MED24: variants seen among roughly 807,000 people sequenced by gnomAD.
The protein encoded by MED24 is mediator complex subunit 24.
In MED24, 74 loss-of-function variants were observed where a neutral mutation model predicts 118.8. That is an observed-to-expected ratio of 0.62 (90% CI 0.52 to 0.76). The LOEUF is 0.76. Ranked by LOEUF, MED24 falls within the 30% of genes least tolerant of loss-of-function variation. The pLI is 0.00. For missense variants in MED24, 1,041 were observed against 1,278.9 expected (o/e 0.81, Z 2.84); for synonymous variants, 521 against 523.9 (o/e 0.99, Z 0.08).
intron 11 of MED24, 128 bp from the exon 12 acceptor site, chr17:40,031,373 G>T: frequency 8.2e-7 from 1 of 1,218,096 alleles, no homozygotes; most frequent in Non-Finnish European, 1.2e-6. Context: ...CTGAGGGACG[G>T]TAGAGGGGCT....
rs772689262 is a variant in MED24, at chr17:40,035,705, C to T, written c.326+17G>A. The T allele has an allele frequency of 1.2e-6, 2 of 1,611,794 alleles. No individual in the cohort carries two copies. Among genetic ancestry groups the T allele is most frequent in the East Asian group, 2.2e-5 (1 of 44,876 alleles). ...GCTGGAACATTGTATTGTGAGCCCC[C>T]TTACCCCTGCCCTTACCTCAGACGG... On this transcript the variant is annotated intron_variant, in intron 5 of 25. Transcript: ENST00000394128.
In MED24 at chr17:40,022,002, C is replaced by T. The variant is rs150685127; in HGVS notation, c.2576G>A (p.Arg859Gln). 2.5e-6 allele frequency: 4 copies of T among 1,611,894 alleles called. No homozygotes were observed. The highest frequency in any genetic ancestry group is 2.2e-5 in the East Asian group (1 of 44,734). The change falls in exon 23 of 26, where the codon CGA becomes CAA. Residue 859 changes from arginine to glutamine, a missense_variant. Around this residue, in one of 3 missense-constraint regions of MED24, gnomAD observed 587 missense variants for 694.4 expected, o/e 0.85. Transcript: ENST00000394128. Reference sequence around the variant, plus strand: ...ATCGTCCTCATTAGAGCTCAGCAGTCGCATCAACTTCGAAGGCTGCACATC... The same window carrying T: ...ATCGTCCTCATTAGAGCTCAGCAGTTGCATCAACTTCGAAGGCTGCACATC... ...LDDVQPSKLM[R>Q]LLSSNEDDAN...
rs1450845772 is a variant in MED24, at chr17:40,033,791, C to G, written c.560-335G>C. 2.0e-6 allele frequency: 1 copy of G among 501,524 alleles called. No homozygotes were observed. The highest frequency in any genetic ancestry group is 1.5e-5 in the South Asian group (1 of 64,942). The allele number at this position is 501,524 out of a possible 1,614,324, so 31.1% of individuals were successfully genotyped here. On this transcript the variant is annotated intron_variant, in intron 6 of 25. Transcript: ENST00000394128. The surrounding 1 kb of genome is among the most constrained non-coding windows in gnomAD (Gnocchi z 5.2). ...CAGTGGCTGGAACAGGGAGGGCGGC[C>G]ACAAATCACTCGAGGAGTGAGCGGA...
In MED24 at chr17:40,028,975, A is replaced by T; in HGVS notation, c.1267-7T>A. 3 of 1,614,146 alleles carry T rather than the reference A, an allele frequency of 1.9e-6. No homozygotes were observed. Among genetic ancestry groups the T allele is most frequent in the Non-Finnish European group, 2.5e-6 (3 of 1,180,016 alleles). On this transcript the variant is annotated splice_polypyrimidine_tract_variant and splice_region_variant and intron_variant, in intron 13 of 25. Coordinates refer to ENST00000394128, the MANE Select transcript of MED24 (RefSeq NM_014815.4). ...AGTGGTCTGCATCCATCGTCTGGGGACAGGACAGGAAATCAAGTCCTGAAG... is the reference window on the plus strand; with the variant it reads ...AGTGGTCTGCATCCATCGTCTGGGGTCAGGACAGGAAATCAAGTCCTGAAG...
At chr17:40,043,871 G>C (rs1392549676) in intron 3 of MED24, among the ~76,000 whole-genome samples, 1 of 107,552 alleles carries the variant, frequency 9.3e-6, no homozygotes, top group African/African-American at 3.5e-5. Context: ...GGCCTGGGCA[G>C]AAGAGCGAGA....
At position 40,053,300 on chromosome 17, in the gene MED24, G is replaced by C. The variant is rs1413085754; in HGVS notation, c.211C>G (p.Gln71Glu). ...LSYLKYAISS[Q>E]MVSYSSVLTA... ...GTGGGGGTTTGCGGGAAGCTTACCT[G>C]GGAACTAATGGCATACTTCAGGTAG... The change falls in exon 3 of 26, where the codon CAG (glutamine) becomes GAG (glutamate). Residue 71 changes from glutamine (Q) to glutamate (E), a missense_variant and splice_region_variant. Physicochemically the swap from Gln to Glu is conservative, Grantham distance 29. Coordinates refer to ENST00000394128, the MANE Select transcript of MED24 (RefSeq NM_014815.4). The C allele has an allele frequency of 1.9e-6, 3 of 1,603,244 alleles. No individual in the cohort carries two copies. The South Asian group carries it at 3.3e-5, about 18-fold the overall frequency.
Position 40,028,895 on chromosome 17 carries a change from C to T in MED24, c.1340G>A (p.Ser447Asn), listed in dbSNP as rs748420747. ...GVLGHMLSGKSLDLLLAAAAA... is the reference protein window; with the variant it reads ...GVLGHMLSGKNLDLLLAAAAA... ...GGCGGCAGCCAGCAGCAAGTCCAGA[C>T]TCTTCCCGGACAGCATGTGGCCCAG... The change falls in exon 14 of 26, where the codon AGT (serine) becomes AAT (asparagine). Residue 447 changes from serine to asparagine, a missense_variant. By Grantham distance (46) the Ser-to-Asn change is conservative. This residue lies in a region of MED24 where 20 missense variants were observed against 69.6 expected (regional missense o/e 0.29). Coordinates refer to ENST00000394128, the MANE Select transcript of MED24 (RefSeq NM_014815.4). 1 of 1,614,182 alleles carries T rather than the reference C, an allele frequency of 6.2e-7. No homozygotes were observed. The highest frequency in any genetic ancestry group is 8.5e-7 in the Non-Finnish European group (1 of 1,180,026).
In MED24 at chr17:40,035,703, C is replaced by G. The variant is rs769277303; in HGVS notation, c.326+19G>C. ...AGGCTGGAACATTGTATTGTGAGCC[C>G]CCTTACCCCTGCCCTTACCTCAGAC... On this transcript the variant is annotated intron_variant, in intron 5 of 25. Coordinates refer to ENST00000394128, the MANE Select transcript of MED24 (RefSeq NM_014815.4). 1 of 1,610,924 alleles carries G rather than the reference C, an allele frequency of 6.2e-7. No individual in the cohort carries two copies. The highest frequency in any genetic ancestry group is 1.7e-5 in the Admixed American group (1 of 59,962).
rs1981622688 is a variant in MED24, at chr17:40,019,116, G to A, written c.*413C>T. On this transcript the variant is annotated 3_prime_UTR_variant, in exon 26 of 26. Coordinates refer to ENST00000394128, the MANE Select transcript of MED24 (RefSeq NM_014815.4). ...ACACAGTCACAAAGGGAGCCACGAG[G>A]AGCTTTATTTATACATGAACGAAGG... 1 of 168,088 alleles carries A rather than the reference G, an allele frequency of 5.9e-6. No individual in the cohort carries two copies. Among genetic ancestry groups the A allele is most frequent in the South Asian group, 1.4e-4 (1 of 7,076 alleles). The allele number at this position is 168,088 out of a possible 1,614,324, so 10.4% of individuals were successfully genotyped here. A position where few individuals can be genotyped will look rare whatever the true frequency, so the allele number is the denominator to read the frequency against.
rs1981761811 is a variant in MED24, at chr17:40,020,016, A to G, written c.2705-83T>C. ...CACTCTGGGAGAAGGTGGGACTGAA[A>G]AGGGAAAAGAAACACATGCTGAGCA... On this transcript the variant is annotated intron_variant, in intron 24 of 25. Coordinates refer to ENST00000394128, the MANE Select transcript of MED24 (RefSeq NM_014815.4). 3 of 1,480,866 alleles carry G rather than the reference A, an allele frequency of 2.0e-6. No individual in the cohort carries two copies. In the East Asian group the frequency reaches 7.4e-5, roughly 36 times the overall value. 91.7% of individuals were successfully genotyped at this position (1,480,866 alleles called of 1,614,324 possible).
chr17:40,019,287 C>A lies in MED24; in HGVS notation c.*242G>T. On this transcript the variant is annotated 3_prime_UTR_variant, in exon 26 of 26. Transcript: ENST00000394128. Reference sequence around the variant, plus strand: ...GGCGCACACAGGGGTGACCACTGGGCTTGTGGTCCAGGCTGCTCACTCTCC... The same window carrying A: ...GGCGCACACAGGGGTGACCACTGGGATTGTGGTCCAGGCTGCTCACTCTCC... The A allele has an allele frequency of 1.9e-6, 1 of 537,962 alleles. No individual in the cohort carries two copies. The highest frequency in any genetic ancestry group is 3.3e-6 in the Non-Finnish European group (1 of 302,488). 33.3% of individuals were successfully genotyped at this position (537,962 alleles called of 1,614,324 possible).
intron 25 of MED24, 40 bp downstream of exon 25, chr17:40,019,745 G>T (rs1305026055): frequency 6.2e-7 from 1 of 1,605,924 alleles, no homozygotes; most frequent in Non-Finnish European, 8.5e-7. Context: ...CTGCCCCGAG[G>T]CCCCAGCACC....
chr17:40,043,044 C>T (rs190832568), intron 3 of MED24, among the ~76,000 whole-genome samples: 1 of 152,178 alleles, frequency 6.6e-6, no homozygotes, highest in Non-Finnish European at 1.5e-5. Context: ...TGCGCCTCCG[C>T]GGTTCAAAGG....
At chr17:40,028,583 C>T (rs1418991461) in intron 14 of MED24, among the ~76,000 whole-genome samples, 1 of 152,194 alleles carries the variant, frequency 6.6e-6, no homozygotes, top group Non-Finnish European at 1.5e-5. Flanking sequence ...CAATGTTCAA[C>T]ACCTCAACCC....
At chr17:40,019,994 T>A in intron 24 of MED24, 61 bp from the exon 25 acceptor site, 1 of 1,531,500 alleles carries the variant, frequency 6.5e-7, no homozygotes, top group Non-Finnish European at 8.8e-7. Flanking sequence ...GAGGTCACAC[T>A]CTGGGAGAAG....
At chr17:40,035,049 C>A in intron 6 of MED24, 68 bp downstream of exon 6, 11 of 1,610,392 alleles carry the variant, frequency 6.8e-6, no homozygotes, top group Non-Finnish European at 9.3e-6. Flanking sequence ...CCTGCCTCTC[C>A]CTTCTCAATT....
intron 3 of MED24, among the ~76,000 whole-genome samples, chr17:40,041,190 G>A (rs919725238): frequency 1.3e-5 from 2 of 152,046 alleles, no homozygotes; most frequent in Non-Finnish European, 2.9e-5. Flanking sequence ...AAACCTAATG[G>A]ATCCTTCTCT....
intron 16 of MED24, 133 bp downstream of exon 16, chr17:40,027,250 G>A (rs1982779833): frequency 4.3e-6 from 5 of 1,168,392 alleles, no homozygotes; most frequent in Admixed American, 2.8e-5. Flanking sequence ...CTCCAGCCCG[G>A]GTGGGCACCT....
At chr17:40,035,541 G>A (rs79670991) in intron 5 of MED24, among the ~76,000 whole-genome samples, 181 bp downstream of exon 5, 1 of 152,170 alleles carries the variant, frequency 6.6e-6, no homozygotes, top group African/African-American at 2.4e-5. Context: ...TCCAGACAGA[G>A]AGGAGGCACT....
Sources: gnomAD v4.1 joint callset for allele counts (sites outside exome capture counted in the v4.1 genomes callset) on GRCh38, gnomAD v4.1.1 for gene constraint, gnomAD v4.1.1 regional missense constraint, Gnocchi (gnomAD v3.1) non-coding constraint, MANE v1.5 for transcripts, NCBI Gene and HGNC (gene_info 2026-07-23, HGNC 2026-07-21) for gene names.